Variants in ADCY5 observed in about 807,000 individuals in gnomAD.
ADCY5 encodes adenylate cyclase type 5.
ADCY5 carries 30 observed loss-of-function variants against 119.7 expected under a neutral mutation model. The ratio of observed to expected loss-of-function variants is 0.25; its 90% confidence interval spans 0.19 to 0.34. The LOEUF is 0.34. Ranked by LOEUF, ADCY5 falls within the 10% of genes least tolerant of loss-of-function variation. The probability of loss-of-function intolerance (pLI) is 1.00; values close to 1 mark genes in which losing one functional copy is unlikely to be tolerated. For synonymous variants in ADCY5, 753 were observed against 762.2 expected, an observed-to-expected ratio of 0.99 and a Z score of 0.20; for missense variants, 1,324 against 1,775.2, an observed-to-expected ratio of 0.75 and a Z score of 4.57.
intron 1 of ADCY5, among the ~76,000 whole-genome samples, chr3:123,367,154 G>A (rs369202632): frequency 2.6e-5 from 4 of 152,178 alleles, no homozygotes; most frequent in Non-Finnish European, 4.4e-5. Flanking sequence ...AGAGGAAGCC[G>A]GAGTCCTTCA....
intron 2 of ADCY5, among the ~76,000 whole-genome samples, chr3:123,349,690 G>A (rs575573363): frequency 9.2e-5 from 14 of 152,036 alleles, no homozygotes; most frequent in African/African-American, 2.7e-4. Context: ...TGCCTGGCCC[G>A]CTCCTGCCAC....
chr3:123,339,688 C>T (rs1449967925), intron 3 of ADCY5, among the ~76,000 whole-genome samples: 4 of 152,284 alleles, frequency 2.6e-5, no homozygotes, highest in Non-Finnish European at 4.4e-5. Context: ...GTCCTAGATT[C>T]GACTAAGGGC....
chr3:123,289,978 G>A, intron 18 of ADCY5, 24 bp from the exon 19 acceptor site: 1 of 1,612,448 alleles, frequency 6.2e-7, no homozygotes, highest in Non-Finnish European at 8.5e-7. Context: ...GCCAAACCTG[G>A]GTCACCCCAA....
chr3:123,429,194 C>T (rs546882170), intron 1 of ADCY5, among the ~76,000 whole-genome samples: 9 of 152,296 alleles, frequency 5.9e-5, no homozygotes, highest in South Asian at 2.1e-4. Context: ...TCCATCAGAC[C>T]GAACATTCTG....
intron 11 of ADCY5, among the ~76,000 whole-genome samples, chr3:123,316,393 T>C (rs1349437352): frequency 6.6e-6 from 1 of 152,010 alleles, no homozygotes; most frequent in African/African-American, 2.4e-5. Flanking sequence ...ACAAACTGGA[T>C]AGTGAGGGGA....
rs1385667477 is a variant in ADCY5, at chr3:123,314,334, G to C, written c.2355-12C>G. The stretch of plus-strand genomic sequence containing the variant: ...GCATGAATATGGAGCTGGAAGGAGA[G>C]AGGAGGGGAGGGAGAAGCCAGGCTC... On this transcript the variant is annotated splice_polypyrimidine_tract_variant and intron_variant, in intron 11 of 20. Transcript: ENST00000462833. 7 of 1,602,830 alleles carry C rather than the reference G, an allele frequency of 4.4e-6. No individual in the cohort carries two copies. Among genetic ancestry groups the C allele is most frequent in the South Asian group, 1.1e-5 (1 of 90,242 alleles).
At chr3:123,353,655 C>G (rs1241005302) in intron 1 of ADCY5, among the ~76,000 whole-genome samples, 3 of 152,188 alleles carry the variant, frequency 2.0e-5, no homozygotes, top group Non-Finnish European at 4.4e-5. Flanking sequence ...GTGTTAGTCC[C>G]AAGTCCTGGG....
At chr3:123,365,932 T>C (rs1559839915) in intron 1 of ADCY5, among the ~76,000 whole-genome samples, 2 of 152,138 alleles carry the variant, frequency 1.3e-5, no homozygotes, top group Non-Finnish European at 2.9e-5. Context: ...AGCACCGTAC[T>C]TCCCTGCAGA....
chr3:123,307,673 T>C (rs1214227196), intron 12 of ADCY5, among the ~76,000 whole-genome samples: 2 of 152,184 alleles, frequency 1.3e-5, no homozygotes, highest in African/African-American at 2.4e-5. Context: ...AACTCCTATT[T>C]GCCCTATGTT....
At chr3:123,396,993 G>C (rs899945462) in intron 1 of ADCY5, among the ~76,000 whole-genome samples, 2 of 152,090 alleles carry the variant, frequency 1.3e-5, no homozygotes, top group African/African-American at 4.8e-5. Context: ...CCCGGAACTG[G>C]GAAAGGAAGA....
chr3:123,366,805 A>C (rs1438380295), intron 1 of ADCY5, among the ~76,000 whole-genome samples: 1 of 152,146 alleles, frequency 6.6e-6, no homozygotes, highest in Admixed American at 6.5e-5. Context: ...TGGGCAAGTC[A>C]CCTTTCCTGT....
intron 1 of ADCY5, among the ~76,000 whole-genome samples, chr3:123,357,456 C>T (rs546667974): frequency 1.3e-5 from 2 of 152,252 alleles, no homozygotes; most frequent in African/African-American, 4.8e-5. Flanking sequence ...TCTGACTCCT[C>T]CTATAGCCAG....
chr3:123,405,482 C>G (rs1159711036), intron 1 of ADCY5, among the ~76,000 whole-genome samples: 1 of 152,174 alleles, frequency 6.6e-6, no homozygotes, highest in Non-Finnish European at 1.5e-5. Flanking sequence ...CCTGAGAGAT[C>G]TGTGAGAGGT....
chr3:123,410,420 G>C (rs959793759), intron 1 of ADCY5, among the ~76,000 whole-genome samples: 1 of 151,940 alleles, frequency 6.6e-6, no homozygotes, highest in Non-Finnish European at 1.5e-5. Context: ...AGGAATGGTA[G>C]AGCCATATCC....
rs1233618957 is a variant in ADCY5, at chr3:123,352,806, C to T, written c.1135-225G>A. ...TGGCTGGCTTGTCATGGGATATGTCCTCTAAAGACACTGAATCACCTAATA... is the reference window on the plus strand; with the variant it reads ...TGGCTGGCTTGTCATGGGATATGTCTTCTAAAGACACTGAATCACCTAATA... On this transcript the variant is annotated intron_variant, in intron 1 of 20. Transcript: ENST00000462833. This position sits in a 1 kb window ranked among gnomAD's most constrained non-coding sequence, Gnocchi z 4.8. 6.6e-6 allele frequency among the ~76,000 whole-genome samples: 1 copy of T among 152,162 alleles called. No homozygotes were observed. Among genetic ancestry groups the T allele is most frequent in the East Asian group, 1.9e-4 (1 of 5,186 alleles).
chr3:123,415,885 T>G (rs553690880), intron 1 of ADCY5, among the ~76,000 whole-genome samples: 5 of 152,176 alleles, frequency 3.3e-5, no homozygotes, highest in African/African-American at 1.2e-4. Flanking sequence ...ATGGACATGA[T>G]GGCTGGAATT....
chr3:123,380,422 A>G (rs1943993384), intron 1 of ADCY5, among the ~76,000 whole-genome samples: 1 of 152,232 alleles, frequency 6.6e-6, no homozygotes, highest in Non-Finnish European at 1.5e-5. Context: ...CTGTAAGCCC[A>G]GATGACCTAA....
chr3:123,326,296 T>G (rs1484938712), intron 7 of ADCY5, among the ~76,000 whole-genome samples: 1 of 152,178 alleles, frequency 6.6e-6, no homozygotes, highest in Non-Finnish European at 1.5e-5. Flanking sequence ...CAGGATCTCA[T>G]CTATCTGTCT....
rs756306432 is a variant in ADCY5 at position 123,447,625 on chromosome 3, G to A, written c.921C>T (p.Ala307=). The change falls in exon 1 of 21, where the codon GCC becomes GCT. Residue 307 remains alanine (A), a synonymous_variant. Coordinates refer to ENST00000462833, the MANE Select transcript of ADCY5 (RefSeq NM_183357.3). ...CCACCACCTGGACGGCCAGCACCAC[G>A]GCGATGAGCGCATAGCAGGCCAGGC... The part of the protein sequence containing the change: ...HMGLACYALI[A]VVLAVQVVGL... 7 of 1,607,922 alleles carry A rather than the reference G, an allele frequency of 4.4e-6. No homozygotes were observed. In the East Asian group the frequency reaches 1.1e-4, roughly 26 times the overall value.
Sources: gnomAD v4.1 joint callset for allele counts (sites outside exome capture counted in the v4.1 genomes callset) on GRCh38, gnomAD v4.1.1 for gene constraint, Gnocchi (gnomAD v3.1) non-coding constraint, MANE v1.5 for transcripts, NCBI Gene and HGNC (gene_info 2026-07-23, HGNC 2026-07-21) for gene names.